The following SHISAL2A variants were observed in gnomAD, a reference collection of about 807,000 sequenced individuals.
The protein encoded by SHISAL2A is shisa like 2A, also known as protein shisa-like-2A.
Under a neutral mutation model 11.5 loss-of-function variants are expected in SHISAL2A, and 18 were observed. The ratio of observed to expected loss-of-function variants is 1.57; its 90% CI spans 1.08 to 2.33. SHISAL2A has a LOEUF of 2.33. SHISAL2A is among the 30% of genes most tolerant of loss of function. SHISAL2A has a pLI of 0.00. For missense variants in SHISAL2A, 261 were observed against 250.9 expected, an observed-to-expected ratio of 1.04 and a Z score of -0.27; for synonymous variants, 94 against 99.6, an observed-to-expected ratio of 0.94 and a Z score of 0.34.
rs774233857 is a variant in SHISAL2A, at chr1:52,633,630, C to G, written c.137C>G (p.Pro46Arg). The G allele has an allele frequency of 1.9e-6, 3 of 1,613,194 alleles. No individual in the cohort carries two copies. Among genetic ancestry groups the G allele is most frequent in the Admixed American group, 3.3e-5 (2 of 59,936 alleles). ...GACCACAAGTACTGCTGCGACGACC[C>G]GCACAGCTTCTTCCCCTACGAGCAC... ...FRDHKYCCDD[P>R]HSFFPYEHSY... The change falls in exon 1 of 3, where the codon CCG (proline) becomes CGG (arginine). Residue 46 changes from proline to arginine, a missense_variant. By Grantham distance (103) the Pro-to-Arg change is moderately radical. Transcript: ENST00000517870. The surrounding 1 kb of genome is among the most constrained non-coding windows in gnomAD (Gnocchi z 6.4).
rs771161431 is a variant in SHISAL2A, at chr1:52,633,820, C to T, written c.182+145C>T. On this transcript the variant is annotated intron_variant, in intron 1 of 2. Transcript: ENST00000517870. This position sits in a 1 kb window ranked among gnomAD's most constrained non-coding sequence, Gnocchi z 6.4. ...GTCCTCATGCCCACAGCATCAACCA[C>T]CCCGTGAAACCCCATCTCAGCTCGA... 4.1e-4 allele frequency: 252 copies of T among 620,594 alleles called. No individual in the cohort carries two copies. The highest frequency in any genetic ancestry group is 6.4e-4 in the Non-Finnish European group (232 of 359,872). 38.4% of individuals were successfully genotyped at this position (620,594 alleles called of 1,614,324 possible). A position where few individuals can be genotyped will look rare whatever the true frequency, so the allele number is the denominator to read the frequency against.
chr1:52,633,417 C>T lies in SHISAL2A; in HGVS notation c.-77C>T, dbSNP rs1034706687. Reference sequence around the variant, plus strand: ...TTCTCAGGCTCAGCTCCGTCTCGCTCGGTCCCTCGCTTCCCCGCCGGGCTC... The same window carrying T: ...TTCTCAGGCTCAGCTCCGTCTCGCTTGGTCCCTCGCTTCCCCGCCGGGCTC... On this transcript the variant is annotated 5_prime_UTR_variant, in exon 1 of 3. Transcript: ENST00000517870. This position sits in a 1 kb window ranked among gnomAD's most constrained non-coding sequence, Gnocchi z 6.4. The T allele has an allele frequency of 6.2e-6, 8 of 1,281,088 alleles. No individual in the cohort carries two copies. Among genetic ancestry groups the T allele is most frequent in the African/African-American group, 3.2e-5 (2 of 63,162 alleles). The allele number at this position is 1,281,088 out of a possible 1,614,324, so 79.4% of individuals were successfully genotyped here.
At chr1:52,658,227 A>T (rs746448562), downstream of SHISAL2A, among the ~76,000 whole-genome samples, 6 of 151,988 alleles carry the variant, frequency 3.9e-5, no homozygotes, top group Non-Finnish European at 8.8e-5. Flanking sequence ...TTTAGTGGAG[A>T]CGGGGTTTCA....
chr1:52,641,914 G>A (rs918863656), intron 1 of SHISAL2A, among the ~76,000 whole-genome samples: 5 of 152,004 alleles, frequency 3.3e-5, no homozygotes, highest in Non-Finnish European at 7.4e-5. Context: ...ACCAGCCTGG[G>A]CAACATGGCA....
At chr1:52,654,843 A>C (rs1425946084) in intron 2 of SHISAL2A, among the ~76,000 whole-genome samples, 1 of 152,202 alleles carries the variant, frequency 6.6e-6, no homozygotes, top group African/African-American at 2.4e-5. Flanking sequence ...AAGAGGATGA[A>C]AAGGCAAGCC....
At position 52,633,744 on chromosome 1, in the gene SHISAL2A, C is replaced by A; in HGVS notation, c.182+69C>A. The stretch of plus-strand genomic sequence containing the variant: ...CTCAGCGCCTTCACCCCAGCCTCAG[C>A]CCCCACCCGAGTGTCCACCTGAACA... On this transcript the variant is annotated intron_variant, in intron 1 of 2. Transcript: ENST00000517870. The surrounding 1 kb of genome is among the most constrained non-coding windows in gnomAD (Gnocchi z 6.4). 1 of 1,349,542 alleles carries A rather than the reference C, an allele frequency of 7.4e-7. No homozygotes were observed. The highest frequency in any genetic ancestry group is 1.0e-6 in the Non-Finnish European group (1 of 960,400). The allele number at this position is 1,349,542 out of a possible 1,614,324, so 83.6% of individuals were successfully genotyped here.
chr1:52,639,736 G>C (rs560293484), intron 1 of SHISAL2A, among the ~76,000 whole-genome samples: 1 of 152,250 alleles, frequency 6.6e-6, no homozygotes, highest in South Asian at 2.1e-4. Flanking sequence ...CGGGGCGACA[G>C]AGTGAGACTC....
intron 1 of SHISAL2A, among the ~76,000 whole-genome samples, chr1:52,640,848 G>A (rs1294727243): frequency 6.6e-6 from 1 of 152,148 alleles, no homozygotes; most frequent in Non-Finnish European, 1.5e-5. Context: ...GCCTTAGGAT[G>A]GGGGCTGGTT....
chr1:52,656,355 T>A (rs529608369), intron 2 of SHISAL2A, among the ~76,000 whole-genome samples: 4 of 152,214 alleles, frequency 2.6e-5, no homozygotes, highest in African/African-American at 9.6e-5. Context: ...AAGCTTTGAT[T>A]TAAGAGGAAG....
chr1:52,653,286 CAAAAAAAAAAAAA>C (rs59878820), intron 2 of SHISAL2A, among the ~76,000 whole-genome samples: 8 of 36,440 alleles, frequency 2.2e-4, no homozygotes, highest in South Asian at 1.8e-3. Flanking sequence ...CCTGTCTCTA[CAAAAAAAAAAAAA>C]AAAAAAAAAA....
rs952483158 is a variant in SHISAL2A at position 52,633,430 on chromosome 1, C to A, written c.-64C>A. 8 of 1,369,780 alleles carry A rather than the reference C, an allele frequency of 5.8e-6. No homozygotes were observed. The African/African-American group carries it at 1.2e-4, about 21-fold the overall frequency. 84.9% of individuals were successfully genotyped at this position (1,369,780 alleles called of 1,614,324 possible). A position where few individuals can be genotyped will look rare whatever the true frequency, so the allele number is the denominator to read the frequency against. On this transcript the variant is annotated 5_prime_UTR_variant, in exon 1 of 3. Coordinates refer to ENST00000517870, the MANE Select transcript of SHISAL2A (RefSeq NM_001042693.3). The surrounding 1 kb of genome is among the most constrained non-coding windows in gnomAD (Gnocchi z 6.4). ...CTCCGTCTCGCTCGGTCCCTCGCTTCCCCGCCGGGCTCTAGCCGGCCGTCT... is the reference window on the plus strand; with the variant it reads ...CTCCGTCTCGCTCGGTCCCTCGCTTACCCGCCGGGCTCTAGCCGGCCGTCT...
chr1:52,643,115 A>G (rs926959727), intron 2 of SHISAL2A, 113 bp downstream of exon 2: 45 of 1,058,690 alleles, frequency 4.3e-5, no homozygotes, highest in Non-Finnish European at 1.7e-5. Context: ...TTCCTGGAAT[A>G]TGCAGAAGCA....
intron 4 of SHISAL2A, among the ~76,000 whole-genome samples, chr1:52,664,500 C>G (rs1022811865): frequency 7.2e-5 from 11 of 152,090 alleles, no homozygotes; most frequent in Admixed American, 5.9e-4. Flanking sequence ...AGATTACAGG[C>G]GTGTGCCACC....
In SHISAL2A at chr1:52,656,909, G is replaced by A. The variant is rs1691802730; in HGVS notation, c.442G>A (p.Glu148Lys). Reference protein sequence around the residue: ...SCLNPQLESNEGQAVNSKRLL... With the variant: ...SCLNPQLESNKGQAVNSKRLL... Reference sequence around the variant, plus strand: ...CTTGAACCCGCAGCTGGAGAGCAATGAGGGGCAGGCTGTGAACTCCAAACG... The same window carrying A: ...CTTGAACCCGCAGCTGGAGAGCAATAAGGGGCAGGCTGTGAACTCCAAACG... The change falls in exon 3 of 3, where the codon GAG (glutamate) becomes AAG (lysine). Residue 148 changes from glutamate to lysine, a missense_variant. By Grantham distance (56) the Glu-to-Lys change is moderately conservative (BLOSUM62 1). Transcript: ENST00000517870. 3.1e-6 allele frequency: 5 copies of A among 1,614,208 alleles called. No individual in the cohort carries two copies. Among genetic ancestry groups the A allele is most frequent in the Non-Finnish European group, 4.2e-6 (5 of 1,180,036 alleles).
At chr1:52,645,017 C>T (rs1250372456) in intron 2 of SHISAL2A, among the ~76,000 whole-genome samples, 1 of 69,424 alleles carries the variant, frequency 1.4e-5, no homozygotes, top group East Asian at 3.9e-4. Flanking sequence ...ACTCTGTCTC[C>T]AAAAAAAAAA....
intron 2 of SHISAL2A, among the ~76,000 whole-genome samples, chr1:52,643,423 A>G (rs753968762): frequency 7.9e-5 from 12 of 152,240 alleles, no homozygotes; most frequent in Non-Finnish European, 1.6e-4. Flanking sequence ...TTTTTAAATA[A>G]TCTGATGTTC....
intron 4 of SHISAL2A, among the ~76,000 whole-genome samples, chr1:52,663,482 C>T (rs569003919): frequency 2.0e-4 from 31 of 152,292 alleles, no homozygotes; most frequent in Admixed American, 9.2e-4. Flanking sequence ...AACATGTGGC[C>T]GGGCGCGGTG....
chr1:52,664,255 A>G (rs1571705963), intron 4 of SHISAL2A, among the ~76,000 whole-genome samples: 1 of 150,412 alleles, frequency 6.6e-6, no homozygotes, highest in African/African-American at 2.5e-5. Flanking sequence ...CAGTGGCGCG[A>G]TCTCCGCTCG....
intron 4 of SHISAL2A, among the ~76,000 whole-genome samples, chr1:52,662,824 G>A (rs57853322): frequency 0.085 from 12,895 of 152,164 alleles, 1,741 homozygotes; most frequent in African/African-American, 0.29. Flanking sequence ...CCTGCCCTCA[G>A]GGAATTCTCA....
Sources: allele counts gnomAD v4.1 joint callset (sites outside exome capture counted in the v4.1 genomes callset), GRCh38; gene constraint gnomAD v4.1.1; non-coding constraint Gnocchi (gnomAD v3.1); transcripts MANE v1.5; gene names NCBI Gene and HGNC (gene_info 2026-07-23, HGNC 2026-07-21).